ASIC2: variants seen among roughly 807,000 people sequenced by gnomAD.
ASIC2 encodes the protein acid sensing ion channel subunit 2, also known as acid-sensing ion channel 2.
In ASIC2, 25 loss-of-function variants were observed where a neutral mutation model predicts 57.3. The observed-to-expected ratio is 0.44, with a 90% CI of 0.32 to 0.61. ASIC2 has a LOEUF of 0.61. Ranked by LOEUF, ASIC2 falls within the 20% of genes least tolerant of loss-of-function variation. The pLI is 0.06. For synonymous variants in ASIC2, 319 were observed against 307.5 expected (o/e 1.04, Z -0.39); for missense variants, 641 against 738.1 (o/e 0.87, Z 1.52).
At chr17:33,736,539 A>T (rs966043874) in intron 1 of ASIC2, among the ~76,000 whole-genome samples, 19 of 152,100 alleles carry the variant, frequency 1.2e-4, no homozygotes, top group African/African-American at 4.3e-4. Context: ...GAGGCAGAAG[A>T]TTGTAGTTGG....
rs560522935 is a variant in ASIC2 at position 33,193,036 on chromosome 17, C to T, written c.709-80969G>A. 1.8e-4 allele frequency among the ~76,000 whole-genome samples: 27 copies of T among 152,280 alleles called. No individual in the cohort carries two copies. In the East Asian group the frequency reaches 3.7e-3, roughly 21 times the overall value. ...TTGCTAAGCAACTGAATTGTTCACCCTGGGTTTCGGGGAAATGTTTAACCT... is the reference window on the plus strand; with the variant it reads ...TTGCTAAGCAACTGAATTGTTCACCTTGGGTTTCGGGGAAATGTTTAACCT... On this transcript the variant is annotated intron_variant, in intron 1 of 9. Transcript: ENST00000225823.
At chr17:33,549,768 C>T (rs1055248969) in intron 1 of ASIC2, among the ~76,000 whole-genome samples, 1 of 152,192 alleles carries the variant, frequency 6.6e-6, no homozygotes, top group Admixed American at 6.5e-5. Flanking sequence ...AAATCTTCTT[C>T]CCCAAAAGAG....
intron 1 of ASIC2, among the ~76,000 whole-genome samples, chr17:33,118,263 C>G (rs935081472): frequency 3.9e-5 from 6 of 152,206 alleles, no homozygotes; most frequent in African/African-American, 1.4e-4. Context: ...TCTGAAATCA[C>G]AGGCTGGCTT....
chr17:33,779,246 T>C (rs1911375850), intron 1 of ASIC2, among the ~76,000 whole-genome samples: 1 of 152,146 alleles, frequency 6.6e-6, no homozygotes, highest in Admixed American at 6.5e-5. Flanking sequence ...CTGTTGTTCC[T>C]TAAAAAAAAG....
intron 1 of ASIC2, among the ~76,000 whole-genome samples, chr17:34,122,384 T>C (rs1911650053): frequency 6.6e-6 from 1 of 152,174 alleles, no homozygotes; most frequent in African/African-American, 2.4e-5. Flanking sequence ...AATGAGCCAA[T>C]CATGTCAAAG....
chr17:33,069,204 C>A (rs1410140184), intron 3 of ASIC2, among the ~76,000 whole-genome samples: 1 of 152,214 alleles, frequency 6.6e-6, no homozygotes, highest in Non-Finnish European at 1.5e-5. Context: ...GACATACTTT[C>A]TATGACTTGA....
intron 1 of ASIC2, among the ~76,000 whole-genome samples, chr17:34,092,719 A>G (rs962071424): frequency 2.0e-5 from 3 of 152,306 alleles, no homozygotes; most frequent in Admixed American, 2.0e-4. Flanking sequence ...TATAAATCAC[A>G]ATACAACTGG....
At chr17:33,473,749 A>G (rs999824617) in intron 1 of ASIC2, among the ~76,000 whole-genome samples, 39 of 152,158 alleles carry the variant, frequency 2.6e-4, no homozygotes, top group African/African-American at 9.2e-4. Flanking sequence ...CAGGTGTTCC[A>G]GTATTGTGAG....
intron 1 of ASIC2, among the ~76,000 whole-genome samples, chr17:33,583,473 C>G (rs1326742859): frequency 6.6e-6 from 1 of 152,172 alleles, no homozygotes; most frequent in African/African-American, 2.4e-5. Flanking sequence ...ACTGTGCTAT[C>G]TATGAAACAC....
chr17:33,749,022 C>G (rs1328373893), intron 1 of ASIC2, among the ~76,000 whole-genome samples: 1 of 152,128 alleles, frequency 6.6e-6, no homozygotes, highest in Non-Finnish European at 1.5e-5. Context: ...CACTTGGCTG[C>G]CCCTCCAGAG....
intron 1 of ASIC2, among the ~76,000 whole-genome samples, chr17:34,026,834 A>G (rs185208431): frequency 3.9e-5 from 6 of 152,324 alleles, no homozygotes; most frequent in Admixed American, 2.0e-4. Context: ...TTGGGATTCA[A>G]ACCCACTTGG....
chr17:33,017,938 C>T (rs1258213171), intron 7 of ASIC2, among the ~76,000 whole-genome samples: 1 of 152,202 alleles, frequency 6.6e-6, no homozygotes, highest in East Asian at 1.9e-4. Flanking sequence ...GATCTCATGA[C>T]CCACAGGGCT....
intron 1 of ASIC2, among the ~76,000 whole-genome samples, chr17:33,474,996 C>T (rs1048714597): frequency 2.0e-5 from 3 of 152,124 alleles, no homozygotes; most frequent in Non-Finnish European, 4.4e-5. Context: ...ACCTCCAATC[C>T]TCTCCAGGAT....
At chr17:33,389,984 C>A (rs1295662093) in intron 1 of ASIC2, among the ~76,000 whole-genome samples, 1 of 152,052 alleles carries the variant, frequency 6.6e-6, no homozygotes, top group Non-Finnish European at 1.5e-5. Context: ...TGAGGCCCAG[C>A]CTGAGACTGG....
At chr17:33,129,577 A>G (rs181922357) in intron 1 of ASIC2, among the ~76,000 whole-genome samples, 1 of 152,228 alleles carries the variant, frequency 6.6e-6, no homozygotes, top group African/African-American at 2.4e-5. Flanking sequence ...ATTCTGTCAT[A>G]ATAATGGTGT....
At chr17:33,184,472 T>A (rs1444969022) in intron 1 of ASIC2, among the ~76,000 whole-genome samples, 1 of 152,132 alleles carries the variant, frequency 6.6e-6, no homozygotes, top group Non-Finnish European at 1.5e-5. Context: ...ACTTTCTCCA[T>A]GACATGTGGT....
In ASIC2 at chr17:33,505,700, T is replaced by C. The variant is rs79574061; in HGVS notation, c.556-393633A>G. Among the ~76,000 whole-genome samples the C allele has an allele frequency of 6.8e-4, 104 of 152,358 alleles. 1 individual carries two copies. The East Asian group carries it at 0.019, about 28-fold the overall frequency. Reference sequence around the variant, plus strand: ...AGTGAGTTGCAGACATCAAATCTTCTAGCCTCCTAGTCTCAGCACATCCCG... The same window carrying C: ...AGTGAGTTGCAGACATCAAATCTTCCAGCCTCCTAGTCTCAGCACATCCCG... On this transcript the variant is annotated intron_variant, in intron 1 of 9. Transcript: ENST00000359872.
intron 1 of ASIC2, among the ~76,000 whole-genome samples, chr17:33,891,279 A>G (rs1344224108): frequency 6.6e-6 from 1 of 152,150 alleles, no homozygotes; most frequent in African/African-American, 2.4e-5. Context: ...GAAACAGAAG[A>G]CTATCTGAAG....
At chr17:33,980,425 G>C (rs1210638192) in intron 1 of ASIC2, among the ~76,000 whole-genome samples, 1 of 152,178 alleles carries the variant, frequency 6.6e-6, no homozygotes, top group African/African-American at 2.4e-5. Context: ...CGAGAAGAAA[G>C]GGAGACTAGG....
Sources: gnomAD v4.1 joint callset for allele counts (sites outside exome capture counted in the v4.1 genomes callset) on GRCh38, gnomAD v4.1.1 for gene constraint, MANE v1.5 for transcripts, NCBI Gene and HGNC (gene_info 2026-07-23, HGNC 2026-07-21) for gene names.